RUVBL2: variants seen among roughly 807,000 people sequenced by gnomAD.
The protein encoded by RUVBL2 is RuvB like AAA ATPase 2, also known as ruvB-like 2.
Under a neutral mutation model 57.9 loss-of-function variants are expected in RUVBL2, and 9 were observed. The ratio of observed to expected loss-of-function variants is 0.16; its 90% CI spans 0.09 to 0.27. RUVBL2 has a LOEUF of 0.27. RUVBL2 is among the 10% of genes least tolerant of loss of function. The probability of loss-of-function intolerance (pLI) is 1.00; values close to 1 mark genes in which losing one functional copy is unlikely to be tolerated. For missense variants in RUVBL2, 456 were observed against 669.6 expected, an observed-to-expected ratio of 0.68 and a Z score of 3.52; for synonymous variants, 278 against 264.6, an observed-to-expected ratio of 1.05 and a Z score of -0.49.
chr19:48,998,767 C>T (rs2039117423), intron 1 of RUVBL2, among the ~76,000 whole-genome samples: 1 of 151,536 alleles, frequency 6.6e-6, no homozygotes, highest in South Asian at 2.1e-4. Flanking sequence ...GTGGCTCACG[C>T]CCATAATCCC....
chr19:48,997,540 A>G lies in RUVBL2; in HGVS notation c.13-1779A>G, dbSNP rs149611334. On this transcript the variant is annotated intron_variant, in intron 1 of 14. Coordinates refer to ENST00000595090, the MANE Select transcript of RUVBL2 (RefSeq NM_006666.3). ...GCTACTCGGGAGGCTGAGGCAGAAG[A>G]ATCACTTGAACCCAGGAAGCAGAGG... 6.9e-3 allele frequency among the ~76,000 whole-genome samples: 1,055 copies of G among 151,874 alleles called. 11 individuals carry two copies. Among genetic ancestry groups the G allele is most frequent in the African/African-American group, 0.024 (978 of 41,366 alleles).
chr19:49,010,096 C>A (rs1359498857), intron 8 of RUVBL2, 30 bp downstream of exon 8: 3 of 1,591,914 alleles, frequency 1.9e-6, no homozygotes, highest in Non-Finnish European at 2.6e-6. Context: ...GATCCCCTCG[C>A]CCCCAGCACT....
intron 6 of RUVBL2, among the ~76,000 whole-genome samples, chr19:49,008,833 G>C (rs1042927903): frequency 2.0e-5 from 3 of 151,928 alleles, no homozygotes; most frequent in Non-Finnish European, 4.4e-5. Flanking sequence ...CAAAAAATTA[G>C]CTGGGCGTGG....
In RUVBL2 at chr19:49,011,562, G is replaced by A. The variant is rs995620114; in HGVS notation, c.1001+252G>A. Among the ~76,000 whole-genome samples, 6 of 152,212 alleles carry A rather than the reference G, an allele frequency of 3.9e-5. No homozygotes were observed. The highest frequency in any genetic ancestry group is 7.3e-5 in the Non-Finnish European group (5 of 68,038). On this transcript the variant is annotated intron_variant, in intron 11 of 14. Transcript: ENST00000595090. This position sits in a 1 kb window ranked among gnomAD's most constrained non-coding sequence, Gnocchi z 4.4. ...GGCTGCAGTCTTCAAACTGCGTGCC[G>A]AGGCACCCCAGGGTGCTGCAGGAAA...
At chr19:49,014,963 C>T (rs1600200702) in intron 12 of RUVBL2, 58 bp from the exon 13 acceptor site, 3 of 1,553,778 alleles carry the variant, frequency 1.9e-6, no homozygotes, top group Non-Finnish European at 2.6e-6. Context: ...GTGGCCACTT[C>T]TGCTGCAGTC....
At chr19:49,010,781 A>C (rs1600191975) in intron 9 of RUVBL2, among the ~76,000 whole-genome samples, 170 bp downstream of exon 9, 1 of 150,458 alleles carries the variant, frequency 6.6e-6, no homozygotes, top group African/African-American at 2.5e-5. Flanking sequence ...CTCCGTCCCC[A>C]CCCCTGCTGG....
Position 49,015,653 on chromosome 19 carries a change from G to A in RUVBL2, c.1333G>A (p.Glu445Lys), listed in dbSNP as rs2039532879. 6.2e-7 allele frequency: 1 copy of A among 1,614,140 alleles called. No homozygotes were observed. The highest frequency in any genetic ancestry group is 8.5e-7 in the Non-Finnish European group (1 of 1,180,018). The change falls in exon 14 of 15, where the codon GAG (glutamate) becomes AAG (lysine). Residue 445 changes from glutamate (E) to lysine (K), a missense_variant. Glu to Lys is a moderately conservative substitution (Grantham distance 56). This residue lies in a region of RUVBL2 where 67 missense variants were observed against 71.5 expected (regional missense o/e 0.94). Transcript: ENST00000595090. ...DESRSTQYMK[E>K]YQDAFLFNEL... ...GTCCCGCTCCACGCAGTACATGAAG[G>A]AGTACCAGGACGCCTTCCTCTTCAA...
intron 11 of RUVBL2, among the ~76,000 whole-genome samples, chr19:49,014,151 C>A (rs898247894): frequency 9.2e-5 from 14 of 152,312 alleles, no homozygotes; most frequent in Non-Finnish European, 1.2e-4. Flanking sequence ...CTGGGCTGGC[C>A]CCGCTGCAGC....
chr19:49,005,925 C>A (rs1250457321), intron 4 of RUVBL2, among the ~76,000 whole-genome samples: 2 of 152,224 alleles, frequency 1.3e-5, no homozygotes, highest in Non-Finnish European at 2.9e-5. Context: ...CAGGCGGGAG[C>A]CTGTAGACTT....
chr19:49,009,912 C>T (rs757871309), intron 7 of RUVBL2, 30 bp downstream of exon 7: 2 of 1,613,082 alleles, frequency 1.2e-6, no homozygotes, highest in South Asian at 1.1e-5. Flanking sequence ...GCCAGGCAGC[C>T]AGGGGGATGG....
intron 4 of RUVBL2, among the ~76,000 whole-genome samples, chr19:49,006,236 G>T (rs2039279422): frequency 6.6e-6 from 1 of 152,260 alleles, no homozygotes; most frequent in Admixed American, 6.5e-5. Flanking sequence ...GGGCAGGAGG[G>T]TGTGGTGTCA....
At chr19:49,009,271 A>G (rs1428886610) in intron 6 of RUVBL2, among the ~76,000 whole-genome samples, 4 of 150,530 alleles carry the variant, frequency 2.7e-5, no homozygotes, top group East Asian at 2.0e-4. Flanking sequence ...GGCAGATCAC[A>G]AGGTCAGGAG....
At chr19:48,996,161 A>C (rs991343320) in intron 1 of RUVBL2, among the ~76,000 whole-genome samples, 14 of 151,664 alleles carry the variant, frequency 9.2e-5, no homozygotes, top group African/African-American at 2.4e-4. Context: ...AAAAAAAAAA[A>C]CACAAACCTG....
At chr19:48,995,499 G>A (rs987067349) in intron 1 of RUVBL2, among the ~76,000 whole-genome samples, 1 of 151,614 alleles carries the variant, frequency 6.6e-6, no homozygotes, top group African/African-American at 2.4e-5. Flanking sequence ...GGCTCCAGAG[G>A]GAGGAGGCTT....
intron 3 of RUVBL2, among the ~76,000 whole-genome samples, chr19:49,003,563 A>G (rs1396982431): frequency 6.6e-6 from 1 of 152,164 alleles, no homozygotes; most frequent in Non-Finnish European, 1.5e-5. Context: ...AGGTGGGTGG[A>G]TCACCTGAAG....
intron 4 of RUVBL2, 146 bp downstream of exon 4, chr19:49,004,564 G>T (rs950803472): frequency 2.0e-5 from 16 of 794,882 alleles, no homozygotes; most frequent in African/African-American, 1.7e-4. Context: ...GCCCATGGAA[G>T]AATCTAGAGG....
At chr19:49,006,131 C>T (rs1468262293) in intron 4 of RUVBL2, among the ~76,000 whole-genome samples, 1 of 152,224 alleles carries the variant, frequency 6.6e-6, no homozygotes, top group African/African-American at 2.4e-5. Context: ...GGGCCGTGCT[C>T]GTCCACTCAG....
At chr19:48,999,817 C>T (rs2039141780) in intron 2 of RUVBL2, among the ~76,000 whole-genome samples, 2 of 152,126 alleles carry the variant, frequency 1.3e-5, no homozygotes, top group African/African-American at 2.4e-5. Flanking sequence ...GTGGAGCCCT[C>T]GCAGTAGCCG....
intron 1 of RUVBL2, 78 bp from the exon 2 acceptor site, chr19:48,999,241 C>G (rs1364566190): frequency 4.7e-6 from 7 of 1,489,586 alleles, no homozygotes; most frequent in Non-Finnish European, 6.6e-6. Context: ...AAAGGACCAT[C>G]TCATGGGAGG....
Sources: gnomAD v4.1 joint callset for allele counts (sites outside exome capture counted in the v4.1 genomes callset) on GRCh38, gnomAD v4.1.1 for gene constraint, gnomAD v4.1.1 regional missense constraint, Gnocchi (gnomAD v3.1) non-coding constraint, MANE v1.5 for transcripts, NCBI Gene and HGNC (gene_info 2026-07-23, HGNC 2026-07-21) for gene names.